The following MGMT variants were observed in gnomAD, a reference collection of about 807,000 sequenced individuals.
MGMT encodes the protein methylated-DNA--protein-cysteine methyltransferase.
A neutral mutation model predicts 15.9 loss-of-function variants in MGMT; 14 were observed. The observed-to-expected ratio is 0.88, with a 90% confidence interval of 0.58 to 1.37. The LOEUF is 1.37. Ranked by LOEUF, MGMT falls within the 40% of genes most tolerant of loss-of-function variation. The pLI, the probability that MGMT is intolerant of heterozygous loss-of-function variation, is 0.00. For synonymous variants in MGMT, 130 were observed against 118.2 expected, an observed-to-expected ratio of 1.10 and a Z score of -0.65; for missense variants, 282 against 268.1, an observed-to-expected ratio of 1.05 and a Z score of -0.36.
chr10:129,588,541 C>T (rs759720177), intron 2 of MGMT, among the ~76,000 whole-genome samples: 14 of 152,164 alleles, frequency 9.2e-5, no homozygotes, highest in Non-Finnish European at 1.9e-4. Context: ...CCCACTCGCA[C>T]GCATGCATCC....
chr10:129,566,690 G>A lies in MGMT; in HGVS notation c.125+30313G>A, dbSNP rs994572981. 3.9e-5 allele frequency among the ~76,000 whole-genome samples: 6 copies of A among 152,128 alleles called. No individual in the cohort carries two copies. The highest frequency in any genetic ancestry group is 6.5e-5 in the Admixed American group (1 of 15,286). On this transcript the variant is annotated intron_variant, in intron 2 of 4. Transcript: ENST00000651593. The surrounding 1 kb of genome is among the most constrained non-coding windows in gnomAD (Gnocchi z 4.1). ...TGGCTGGATCTCGTTGAAGGCCTGCGGAGATTCAGGTGCCATAGGGAGGGT... is the reference window on the plus strand; with the variant it reads ...TGGCTGGATCTCGTTGAAGGCCTGCAGAGATTCAGGTGCCATAGGGAGGGT...
intron 2 of MGMT, among the ~76,000 whole-genome samples, chr10:129,677,462 G>T (rs916946432): frequency 1.3e-5 from 2 of 152,062 alleles, no homozygotes; most frequent in African/African-American, 2.4e-5. Flanking sequence ...TCAGGTTTTC[G>T]CAGCCATGCC....
intron 2 of MGMT, among the ~76,000 whole-genome samples, chr10:129,578,681 A>G (rs1270121712): frequency 1.3e-5 from 2 of 152,230 alleles, no homozygotes; most frequent in East Asian, 3.9e-4. Flanking sequence ...TTAAAGTATA[A>G]TAATAAGAAA....
chr10:129,700,895 G>C (rs1317784536), intron 2 of MGMT: 4 of 152,200 alleles, frequency 2.6e-5, no homozygotes, highest in Non-Finnish European at 5.9e-5. Context: ...TATTTAGCAA[G>C]AGTCTCCATG....
intron 3 of MGMT, among the ~76,000 whole-genome samples, chr10:129,743,286 T>A (rs1848659069): frequency 6.6e-6 from 1 of 152,198 alleles, no homozygotes; most frequent in African/African-American, 2.4e-5. Flanking sequence ...ACGCCACCAT[T>A]TTTTGCAGCA....
chr10:129,706,878 C>T (rs889937459), intron 2 of MGMT, among the ~76,000 whole-genome samples: 4 of 152,224 alleles, frequency 2.6e-5, no homozygotes, highest in Admixed American at 1.3e-4. Flanking sequence ...TGAATGAACA[C>T]CCCAAACAGA....
At chr10:129,516,567 C>T (rs1237581862) in intron 1 of MGMT, among the ~76,000 whole-genome samples, 2 of 152,210 alleles carry the variant, frequency 1.3e-5, no homozygotes, top group African/African-American at 4.8e-5. Context: ...AACCGTGTAG[C>T]ACGTTGCCTT....
chr10:129,531,401 T>C (rs1845930033), intron 1 of MGMT, among the ~76,000 whole-genome samples: 1 of 152,114 alleles, frequency 6.6e-6, no homozygotes, highest in Non-Finnish European at 1.5e-5. Flanking sequence ...CAGGTTTTCA[T>C]GCTATTGAAA....
chr10:129,657,707 G>GCACACGCACACA (rs1847544760), intron 2 of MGMT, among the ~76,000 whole-genome samples: 4 of 111,470 alleles, frequency 3.6e-5, no homozygotes, highest in Non-Finnish European at 7.9e-5. Context: ...ACACACACAC[G>GCACACGCACACA]CACACACACA....
At chr10:129,637,539 A>G (rs1847276213) in intron 2 of MGMT, among the ~76,000 whole-genome samples, 1 of 152,200 alleles carries the variant, frequency 6.6e-6, no homozygotes, top group South Asian at 2.1e-4. Flanking sequence ...CCTAGGGGGC[A>G]GGATCGAAGG....
At chr10:129,649,123 G>A (rs1847428751) in intron 2 of MGMT, among the ~76,000 whole-genome samples, 1 of 152,140 alleles carries the variant, frequency 6.6e-6, no homozygotes, top group African/African-American at 2.4e-5. Context: ...ATGTCCAGAA[G>A]CGTAAATCAC....
In MGMT at chr10:129,770,280, C is replaced by G. The variant is rs192534509; in HGVS notation, c.*3283C>G. Among the ~76,000 whole-genome samples the G allele has an allele frequency of 1.3e-5, 2 of 152,358 alleles. No individual in the cohort carries two copies. Among genetic ancestry groups the G allele is most frequent in the East Asian group, 1.9e-4 (1 of 5,182 alleles). On this transcript the variant is annotated 3_prime_UTR_variant, in exon 5 of 5. Transcript: ENST00000651593. ...CTGTAAGATAAGGATAAAATCCCAT[C>G]CACCTGAATTGCTGAGAAACGTAAG...
chr10:129,689,070 C>T (rs1278688657), intron 2 of MGMT, among the ~76,000 whole-genome samples: 1 of 152,100 alleles, frequency 6.6e-6, no homozygotes, highest in African/African-American at 2.4e-5. Flanking sequence ...GCTGAGACTA[C>T]AGGTGTGCAC....
At chr10:129,638,461 A>AAAAAAAAAAAG (rs1206037140) in intron 2 of MGMT, among the ~76,000 whole-genome samples, 1 of 149,814 alleles carries the variant, frequency 6.7e-6, no homozygotes, top group Non-Finnish European at 1.5e-5. Context: ...AAAAAAGAAA[A>AAAAAAAAAAAG]ATAACTGACG....
intron 2 of MGMT, among the ~76,000 whole-genome samples, chr10:129,589,405 A>C (rs975882930): frequency 6.6e-6 from 1 of 152,106 alleles, no homozygotes. Context: ...GGTGCTACTC[A>C]CCTCTGACCT....
rs538398367 is a variant in MGMT, at chr10:129,566,685, C to T, written c.125+30308C>T. Among the ~76,000 whole-genome samples the T allele has an allele frequency of 1.4e-4, 22 of 152,170 alleles. No homozygotes were observed. In the South Asian group the frequency reaches 4.6e-3, roughly 32 times the overall value. On this transcript the variant is annotated intron_variant, in intron 2 of 4. Transcript: ENST00000651593. This position sits in a 1 kb window ranked among gnomAD's most constrained non-coding sequence, Gnocchi z 4.1. ...GTCGTTGGCTGGATCTCGTTGAAGGCCTGCGGAGATTCAGGTGCCATAGGG... is the reference window on the plus strand; with the variant it reads ...GTCGTTGGCTGGATCTCGTTGAAGGTCTGCGGAGATTCAGGTGCCATAGGG...
intron 2 of MGMT, among the ~76,000 whole-genome samples, chr10:129,647,135 G>A (rs968860149): frequency 6.6e-6 from 1 of 152,078 alleles, no homozygotes; most frequent in African/African-American, 2.4e-5. Flanking sequence ...CATTTACTCA[G>A]GGTTTCTGCT....
At chr10:129,722,149 A>G (rs1848379558) in intron 3 of MGMT, among the ~76,000 whole-genome samples, 1 of 152,212 alleles carries the variant, frequency 6.6e-6, no homozygotes. Flanking sequence ...TTTACATAGA[A>G]TATCTTGAAT....
intron 2 of MGMT, among the ~76,000 whole-genome samples, chr10:129,698,346 C>T (rs150959494): frequency 5.3e-5 from 8 of 152,212 alleles, no homozygotes; most frequent in East Asian, 1.9e-4. Flanking sequence ...TATAGATCGA[C>T]GTGGCTTCTT....
Sources: allele counts gnomAD v4.1 joint callset (sites outside exome capture counted in the v4.1 genomes callset), GRCh38; gene constraint gnomAD v4.1.1; non-coding constraint Gnocchi (gnomAD v3.1); transcripts MANE v1.5; gene names NCBI Gene and HGNC (gene_info 2026-07-23, HGNC 2026-07-21).